EFNA5: variants seen among roughly 807,000 people sequenced by gnomAD.
EFNA5 encodes ephrin A5.
EFNA5 carries 5 observed loss-of-function variants against 22.9 expected under a neutral mutation model. The observed-to-expected ratio is 0.22, with a 90% CI of 0.11 to 0.46. EFNA5 has a LOEUF of 0.46. EFNA5 is among the 20% of genes least tolerant of loss of function. The pLI, the probability that EFNA5 is intolerant of heterozygous loss-of-function variation, is 0.99. For synonymous variants in EFNA5, 113 were observed against 112.2 expected, an observed-to-expected ratio of 1.01 and a Z score of -0.04; for missense variants, 237 against 293.3, an observed-to-expected ratio of 0.81 and a Z score of 1.40.
chr5:107,476,735 T>TCTCTC (rs1750321735), intron 1 of EFNA5, among the ~76,000 whole-genome samples: 6 of 148,124 alleles, frequency 4.1e-5, no homozygotes, highest in African/African-American at 1.2e-4. Context: ...TTTTTTCTCT[T>TCTCTC]TCTCTCTCTC....
At chr5:107,555,495 A>T (rs1448488038) in intron 1 of EFNA5, among the ~76,000 whole-genome samples, 2 of 152,228 alleles carry the variant, frequency 1.3e-5, no homozygotes, top group Non-Finnish European at 2.9e-5. Flanking sequence ...GAAGTCATCA[A>T]TGTAAAGAGA....
At chr5:107,558,091 T>C (rs1160751424) in intron 1 of EFNA5, among the ~76,000 whole-genome samples, 1 of 151,994 alleles carries the variant, frequency 6.6e-6, no homozygotes, top group Admixed American at 6.6e-5. Flanking sequence ...TTAAAAAAAG[T>C]CTGAGAGGGG....
intron 1 of EFNA5, among the ~76,000 whole-genome samples, chr5:107,570,249 C>T (rs550516985): frequency 6.6e-6 from 1 of 152,354 alleles, no homozygotes; most frequent in African/African-American, 2.4e-5. Context: ...TCAGTTGGTT[C>T]CAAACCCATT....
At chr5:107,477,339 A>C (rs1438679127) in intron 1 of EFNA5, among the ~76,000 whole-genome samples, 1 of 152,222 alleles carries the variant, frequency 6.6e-6, no homozygotes, top group Non-Finnish European at 1.5e-5. Context: ...GAATTAAGCA[A>C]TCAATAGAAT....
chr5:107,610,008 G>A (rs1749796756), intron 1 of EFNA5, among the ~76,000 whole-genome samples: 1 of 152,130 alleles, frequency 6.6e-6, no homozygotes, highest in African/African-American at 2.4e-5. Context: ...AATAGAAAGG[G>A]AAGGGGGAAA....
At chr5:107,395,171 T>C (rs1277565326) in intron 2 of EFNA5, among the ~76,000 whole-genome samples, 1 of 151,466 alleles carries the variant, frequency 6.6e-6, no homozygotes, top group Non-Finnish European at 1.5e-5. Context: ...CCTGAGTAGC[T>C]GGGATTACAA....
intron 1 of EFNA5, among the ~76,000 whole-genome samples, chr5:107,613,508 C>G (rs1015806630): frequency 7.2e-5 from 11 of 152,056 alleles, no homozygotes; most frequent in Non-Finnish European, 8.8e-5. Context: ...AACTTCTGTT[C>G]TCTCTCCATT....
Position 107,451,561 on chromosome 5 carries a change from TAGAC to T in EFNA5, c.126-24056_126-24053del, listed in dbSNP as rs529328723. 6.9e-4 allele frequency among the ~76,000 whole-genome samples: 105 copies of T among 152,270 alleles called. 1 individual carries two copies. In the South Asian group the frequency reaches 0.013, roughly 19 times the overall value. On this transcript the variant is annotated intron_variant, in intron 1 of 4. Transcript: ENST00000333274. ...TAATCTCAGTATACATTTAGATAGATAGACAGATAATCTATAAAGAGAAAACGAT... is the reference window on the plus strand; with the variant it reads ...TAATCTCAGTATACATTTAGATAGATAGATAATCTATAAAGAGAAAACGAT...
intron 1 of EFNA5, among the ~76,000 whole-genome samples, chr5:107,428,691 T>C (rs1342486011): frequency 1.3e-5 from 2 of 152,230 alleles, no homozygotes; most frequent in East Asian, 1.9e-4. Context: ...TGAAATACAA[T>C]GCTCATAAAG....
chr5:107,665,313 G>C (rs1345113758), intron 1 of EFNA5, among the ~76,000 whole-genome samples: 1 of 152,176 alleles, frequency 6.6e-6, no homozygotes, highest in African/African-American at 2.4e-5. Context: ...AGAATGCAGT[G>C]AAATGCCTGT....
At chr5:107,542,688 C>T (rs555851233) in intron 1 of EFNA5, among the ~76,000 whole-genome samples, 1 of 152,128 alleles carries the variant, frequency 6.6e-6, no homozygotes, top group African/African-American at 2.4e-5. Flanking sequence ...CTGACTCATG[C>T]CTCTGGGCAT....
At chr5:107,563,020 A>T (rs1748582397) in intron 1 of EFNA5, among the ~76,000 whole-genome samples, 1 of 152,220 alleles carries the variant, frequency 6.6e-6, no homozygotes, top group Non-Finnish European at 1.5e-5. Flanking sequence ...TCAGTGGGGT[A>T]CAAAAGTAAT....
chr5:107,403,889 T>C (rs1176169553), intron 2 of EFNA5, among the ~76,000 whole-genome samples: 1 of 152,164 alleles, frequency 6.6e-6, no homozygotes, highest in Non-Finnish European at 1.5e-5. Context: ...TAAACCTTAA[T>C]ATGGAACAAC....
chr5:107,549,184 T>C (rs112894379), intron 1 of EFNA5, among the ~76,000 whole-genome samples: 12 of 152,308 alleles, frequency 7.9e-5, no homozygotes, highest in Admixed American at 2.6e-4. Flanking sequence ...GCCCAAATTG[T>C]AATTGATTTA....
At chr5:107,541,547 C>T (rs953768737) in intron 1 of EFNA5, among the ~76,000 whole-genome samples, 11 of 152,184 alleles carry the variant, frequency 7.2e-5, no homozygotes, top group African/African-American at 2.4e-4. Context: ...TCTAGTATAA[C>T]ATTGACCTGA....
intron 1 of EFNA5, among the ~76,000 whole-genome samples, chr5:107,544,553 GA>G (rs1431827722): frequency 2.0e-5 from 3 of 152,128 alleles, no homozygotes; most frequent in African/African-American, 2.4e-5. Context: ...GTAGCACTTG[GA>G]AAAAGCAAAT....
At chr5:107,631,212 G>C (rs1277527328) in intron 1 of EFNA5, among the ~76,000 whole-genome samples, 3 of 151,032 alleles carry the variant, frequency 2.0e-5, no homozygotes, top group African/African-American at 7.3e-5. Context: ...TATAAATGTA[G>C]TCCTTTGTTG....
intron 2 of EFNA5, among the ~76,000 whole-genome samples, chr5:107,414,482 C>G (rs188931906): frequency 6.6e-6 from 1 of 152,182 alleles, no homozygotes; most frequent in Non-Finnish European, 1.5e-5. Flanking sequence ...CACACTGTCC[C>G]CTACATTGGC....
chr5:107,440,336 G>A (rs1312922466), intron 1 of EFNA5, among the ~76,000 whole-genome samples: 1 of 152,146 alleles, frequency 6.6e-6, no homozygotes, highest in Non-Finnish European at 1.5e-5. Flanking sequence ...AGAGAATATA[G>A]TTGTTTTTCT....
Sources: allele counts gnomAD v4.1 joint callset (sites outside exome capture counted in the v4.1 genomes callset), GRCh38; gene constraint gnomAD v4.1.1; transcripts MANE v1.5; gene names NCBI Gene and HGNC (gene_info 2026-07-23, HGNC 2026-07-21).